Variants in SLC44A5 observed in about 807,000 individuals in gnomAD.
SLC44A5 encodes choline transporter-like protein 5.
In SLC44A5, 57 loss-of-function variants were observed where a neutral mutation model predicts 101.8. The ratio of observed to expected loss-of-function variants is 0.56; its 90% CI spans 0.45 to 0.70. SLC44A5 has a LOEUF of 0.70. Among genes scored for constraint, SLC44A5 ranks in the 30% least tolerant of loss-of-function variants. The pLI is 0.00. For synonymous variants in SLC44A5, 281 were observed against 290.9 expected, an observed-to-expected ratio of 0.97 and a Z score of 0.35; for missense variants, 737 against 853.1, an observed-to-expected ratio of 0.86 and a Z score of 1.70.
At chr1:75,625,291 C>G in the SLC44A5 span, among the ~76,000 whole-genome samples, 1 of 152,104 alleles carries the variant, frequency 6.6e-6, no homozygotes, top group African/African-American at 2.4e-5. Context: ...AACTTAGAAA[C>G]CAGAAACTAT....
At position 75,219,360 on chromosome 1, in the gene SLC44A5, T is replaced by A; in HGVS notation, c.1179-16A>T. 1 of 1,565,044 alleles carries A rather than the reference T, an allele frequency of 6.4e-7. No individual in the cohort carries two copies. The highest frequency in any genetic ancestry group is 8.8e-7 in the Non-Finnish European group (1 of 1,135,580). On this transcript the variant is annotated splice_polypyrimidine_tract_variant and intron_variant, in intron 15 of 23. Coordinates refer to ENST00000370859, the MANE Select transcript of SLC44A5 (RefSeq NM_001130058.2). ...CGCCAAGAAACTGAATAAACTCCAT[T>A]AAGGATAAACCATTTGCTGGTAGAT... is the stretch of plus-strand genomic sequence containing the variant.
chr1:75,307,450 G>T (rs1325876162), intron 4 of SLC44A5, among the ~76,000 whole-genome samples: 2 of 152,108 alleles, frequency 1.3e-5, no homozygotes, highest in African/African-American at 4.8e-5. Context: ...GCACTTTGGG[G>T]CCATCTTTCA....
chr1:75,371,967 C>T (rs961591673), intron 3 of SLC44A5, among the ~76,000 whole-genome samples: 8 of 152,190 alleles, frequency 5.3e-5, no homozygotes, highest in Non-Finnish European at 7.4e-5. Flanking sequence ...GAGGCCGAGG[C>T]GGGCAGATCA....
intron 1 of SLC44A5, among the ~76,000 whole-genome samples, chr1:75,606,629 C>G (rs1422456222): frequency 6.6e-6 from 1 of 151,920 alleles, no homozygotes; most frequent in African/African-American, 2.4e-5. Context: ...CCTCTTCATT[C>G]TCTCTTAACC....
At chr1:75,423,159 A>C (rs1664113061) in intron 2 of SLC44A5, among the ~76,000 whole-genome samples, 1 of 152,196 alleles carries the variant, frequency 6.6e-6, no homozygotes, top group South Asian at 2.1e-4. Context: ...ACAGAAAGCT[A>C]TAGTACTCTC....
At chr1:75,272,636 T>G (rs1248464859) in intron 6 of SLC44A5, among the ~76,000 whole-genome samples, 1 of 152,144 alleles carries the variant, frequency 6.6e-6, no homozygotes, top group African/African-American at 2.4e-5. Context: ...CACCATTTAT[T>G]GAACAGGATG....
At chr1:75,656,414 G>T in the SLC44A5 span, among the ~76,000 whole-genome samples, 1 of 152,138 alleles carries the variant, frequency 6.6e-6, no homozygotes, top group African/African-American at 2.4e-5. Flanking sequence ...TTAGTATAAA[G>T]ACTGAAAAGC....
At chr1:75,385,136 C>T (rs1396434053) in intron 3 of SLC44A5, among the ~76,000 whole-genome samples, 1 of 151,088 alleles carries the variant, frequency 6.6e-6, no homozygotes, top group African/African-American at 2.4e-5. Flanking sequence ...CCTAACATCA[C>T]AATTAAAAGA....
chr1:75,663,908 G>A, the SLC44A5 span, among the ~76,000 whole-genome samples: 9 of 151,908 alleles, frequency 5.9e-5, no homozygotes, highest in African/African-American at 9.7e-5. Flanking sequence ...AAAAACCCTC[G>A]ACAAAATACC....
chr1:75,294,154 T>A (rs1210764527), intron 5 of SLC44A5, among the ~76,000 whole-genome samples: 2 of 152,200 alleles, frequency 1.3e-5, no homozygotes, highest in Admixed American at 1.3e-4. Context: ...TGTGATCTGA[T>A]AGGTTCACTT....
intron 6 of SLC44A5, among the ~76,000 whole-genome samples, chr1:75,252,274 A>G (rs1417512381): frequency 6.6e-6 from 1 of 152,208 alleles, no homozygotes; most frequent in Non-Finnish European, 1.5e-5. Flanking sequence ...TCAACTCCCC[A>G]GTAAATTAAT....
intron 1 of SLC44A5, among the ~76,000 whole-genome samples, chr1:75,607,341 T>G (rs902331935): frequency 2.6e-5 from 4 of 152,058 alleles, no homozygotes; most frequent in Non-Finnish European, 5.9e-5. Context: ...ATATTCAGTA[T>G]CCTTCCATTT....
rs990693809 is a variant in SLC44A5 at position 75,275,212 on chromosome 1, T to G, written c.176-170A>C. Among the ~76,000 whole-genome samples, 6 of 152,312 alleles carry G rather than the reference T, an allele frequency of 3.9e-5. No individual in the cohort carries two copies. In the South Asian group the frequency reaches 1.2e-3, roughly 32 times the overall value. The stretch of plus-strand genomic sequence containing the variant: ...TCTTAATGAAAAGTAAAATAAAATA[T>G]GGATGAACCAGTCAGAAAGCACATT... On this transcript the variant is annotated intron_variant, in intron 5 of 23. Transcript: ENST00000370859.
At chr1:75,618,890 T>A in the SLC44A5 span, among the ~76,000 whole-genome samples, 1 of 151,748 alleles carries the variant, frequency 6.6e-6, no homozygotes, top group Non-Finnish European at 1.5e-5. Context: ...GCCAACATGG[T>A]GAAACCCCAT....
intron 2 of SLC44A5, among the ~76,000 whole-genome samples, chr1:75,417,226 G>A (rs1311062147): frequency 6.6e-6 from 1 of 152,090 alleles, no homozygotes; most frequent in Non-Finnish European, 1.5e-5. Flanking sequence ...AATAGTAAAT[G>A]GGACTCACGA....
intron 18 of SLC44A5, among the ~76,000 whole-genome samples, 171 bp from the exon 19 acceptor site, chr1:75,216,028 C>T (rs1253385339): frequency 6.6e-6 from 1 of 151,988 alleles, no homozygotes; most frequent in Non-Finnish European, 1.5e-5. Flanking sequence ...TTCAGTGGCA[C>T]TGAGTAATTT....
At chr1:75,560,977 T>G (rs945031631) in intron 1 of SLC44A5, among the ~76,000 whole-genome samples, 8 of 152,158 alleles carry the variant, frequency 5.3e-5, no homozygotes, top group African/African-American at 1.7e-4. Context: ...GTCCTAATAA[T>G]AAGGTTAAAA....
chr1:75,346,359 G>T (rs541614513), intron 3 of SLC44A5, among the ~76,000 whole-genome samples: 2 of 152,100 alleles, frequency 1.3e-5, no homozygotes, highest in African/African-American at 4.8e-5. Flanking sequence ...GAAATAATTT[G>T]CTCTATATGA....
chr1:75,635,013 T>C, the SLC44A5 span, among the ~76,000 whole-genome samples: 5 of 150,956 alleles, frequency 3.3e-5, no homozygotes, highest in East Asian at 8.0e-4. Flanking sequence ...TGAACAGACA[T>C]TTCTCAAAAG....
Sources: gnomAD v4.1 joint callset for allele counts (sites outside exome capture counted in the v4.1 genomes callset) on GRCh38, gnomAD v4.1.1 for gene constraint, MANE v1.5 for transcripts, NCBI Gene and HGNC (gene_info 2026-07-23, HGNC 2026-07-21) for gene names.